Variants in TLL1 observed in about 807,000 individuals in gnomAD.
TLL1 encodes the protein tolloid like 1.
TLL1 carries 49 observed loss-of-function variants against 128.2 expected under a neutral mutation model. The observed-to-expected ratio is 0.38, with a 90% CI of 0.30 to 0.48. The LOEUF is 0.48. Ranked by LOEUF, TLL1 falls within the 20% of genes least tolerant of loss-of-function variation. TLL1 has a pLI of 0.96. For synonymous variants in TLL1, 454 were observed against 418.8 expected (o/e 1.08, Z -1.03); for missense variants, 1,123 against 1,242.0 (o/e 0.90, Z 1.44).
chr4:166,097,725 TC>T (rs1363509441), intron 19 of TLL1, among the ~76,000 whole-genome samples: 1 of 152,090 alleles, frequency 6.6e-6, no homozygotes, highest in Admixed American at 6.6e-5. Flanking sequence ...TGCCTAACCA[TC>T]TTCACTAAGG....
chr4:166,080,617 A>G (rs1741244889), intron 18 of TLL1, among the ~76,000 whole-genome samples: 1 of 152,030 alleles, frequency 6.6e-6, no homozygotes, highest in Non-Finnish European at 1.5e-5. Flanking sequence ...ATAAGACATT[A>G]TGTATGCAAT....
chr4:166,062,584 G>T (rs1169540865), intron 15 of TLL1, among the ~76,000 whole-genome samples: 1 of 152,184 alleles, frequency 6.6e-6, no homozygotes, highest in Non-Finnish European at 1.5e-5. Flanking sequence ...CTGAGACTTT[G>T]CTGAAGTTGG....
chr4:165,882,950 G>A (rs1397104743), intron 1 of TLL1, among the ~76,000 whole-genome samples: 5 of 151,898 alleles, frequency 3.3e-5, no homozygotes, highest in African/African-American at 4.8e-5. Flanking sequence ...AAGAAGATAC[G>A]TGTTCGAGGA....
At chr4:166,078,132 C>T (rs1330788451) in intron 18 of TLL1, 102 bp downstream of exon 18, 4 of 1,548,778 alleles carry the variant, frequency 2.6e-6, no homozygotes, top group South Asian at 1.1e-5. Context: ...TGAATCGAAT[C>T]GTAGGCAGCT....
At chr4:166,079,300 T>A (rs946165424) in intron 18 of TLL1, among the ~76,000 whole-genome samples, 7 of 152,326 alleles carry the variant, frequency 4.6e-5, no homozygotes, top group African/African-American at 1.7e-4. Flanking sequence ...GAGACATTTC[T>A]TTGTCTCAAT....
chr4:165,987,241 T>C (rs989341070), intron 1 of TLL1, among the ~76,000 whole-genome samples: 23 of 152,126 alleles, frequency 1.5e-4, no homozygotes, highest in Non-Finnish European at 3.4e-4. Context: ...TAAATGCACC[T>C]GATGGAAGTT....
chr4:166,031,455 A>C (rs546765540), intron 9 of TLL1, among the ~76,000 whole-genome samples: 3 of 137,398 alleles, frequency 2.2e-5, no homozygotes, highest in Middle Eastern at 9.4e-3. Context: ...TGCAACTTTC[A>C]CTTCTCAGTT....
chr4:165,908,965 G>A (rs1732399719), intron 1 of TLL1, among the ~76,000 whole-genome samples: 1 of 152,198 alleles, frequency 6.6e-6, no homozygotes, highest in African/African-American at 2.4e-5. Context: ...AGGAGGCCGA[G>A]GCAGGCTGAT....
intron 1 of TLL1, among the ~76,000 whole-genome samples, chr4:165,876,428 C>G (rs1384757925): frequency 1.3e-5 from 2 of 152,162 alleles, no homozygotes; most frequent in African/African-American, 4.8e-5. Flanking sequence ...TTTCCAGACA[C>G]TTGGGGCATC....
At chr4:166,031,098 T>A in intron 9 of TLL1, 1 of 783,478 alleles carries the variant, frequency 1.3e-6, no homozygotes, top group Non-Finnish European at 1.5e-6. Flanking sequence ...TGAAGCTGCT[T>A]AAGATGATTT....
rs141070236 is a variant in TLL1 at position 166,070,362 on chromosome 4, G to A, written c.2188+4499G>A. ...AAAAAAATAGCACATTTGGGAACTT[G>A]ACATATTTTAAATTTTTAATTATAG... On this transcript the variant is annotated intron_variant, in intron 16 of 20. Coordinates refer to ENST00000061240, the MANE Select transcript of TLL1 (RefSeq NM_012464.5). 4.6e-3 allele frequency among the ~76,000 whole-genome samples: 702 copies of A among 151,942 alleles called. 5 individuals are homozygous for A. Among genetic ancestry groups the A allele is most frequent in the African/African-American group, 0.016 (667 of 41,532 alleles).
At chr4:166,060,269 G>A (rs1311037064) in intron 15 of TLL1, 81 bp downstream of exon 15, 21 of 1,192,164 alleles carry the variant, frequency 1.8e-5, no homozygotes, top group Non-Finnish European at 2.1e-5. Flanking sequence ...AAAAAAAAAA[G>A]ATGTAGTAAA....
chr4:165,940,955 C>A (rs1365833512), intron 1 of TLL1, among the ~76,000 whole-genome samples: 1 of 151,954 alleles, frequency 6.6e-6, no homozygotes, highest in Admixed American at 6.6e-5. Context: ...TCAACTCTGT[C>A]TCTTAGATTG....
At chr4:166,089,799 G>A (rs1425333682) in intron 18 of TLL1, among the ~76,000 whole-genome samples, 1 of 152,032 alleles carries the variant, frequency 6.6e-6, no homozygotes, top group Non-Finnish European at 1.5e-5. Context: ...TAAGTAGAGT[G>A]CAGTGGAAAG....
intron 19 of TLL1, among the ~76,000 whole-genome samples, chr4:166,098,717 G>T (rs894158937): frequency 2.6e-5 from 4 of 151,980 alleles, no homozygotes; most frequent in African/African-American, 9.7e-5. Flanking sequence ...TATATAGAAA[G>T]TTCTATATAA....
intron 1 of TLL1, among the ~76,000 whole-genome samples, chr4:165,957,760 G>A (rs1002396156): frequency 3.4e-5 from 5 of 147,544 alleles, no homozygotes; most frequent in African/African-American, 7.6e-5. Flanking sequence ...TGTGCACAAT[G>A]TGCCAGTTAG....
chr4:166,001,054 AG>A (rs758527047), intron 5 of TLL1, among the ~76,000 whole-genome samples: 3 of 152,326 alleles, frequency 2.0e-5, no homozygotes, highest in Non-Finnish European at 2.9e-5. Context: ...GAGGGAGATA[AG>A]GATTTATATT....
chr4:165,971,938 T>G (rs1735645725), intron 1 of TLL1, among the ~76,000 whole-genome samples: 1 of 152,128 alleles, frequency 6.6e-6, no homozygotes, highest in Non-Finnish European at 1.5e-5. Context: ...TGTTGTTTAT[T>G]TACAGGGTTA....
At chr4:166,067,406 C>T (rs1029753398) in intron 16 of TLL1, among the ~76,000 whole-genome samples, 17 of 151,806 alleles carry the variant, frequency 1.1e-4, no homozygotes, top group African/African-American at 4.1e-4. Context: ...AGAAACAGTA[C>T]TGTTGAAATA....
Sources: gnomAD v4.1 joint callset for allele counts (sites outside exome capture counted in the v4.1 genomes callset) on GRCh38, gnomAD v4.1.1 for gene constraint, MANE v1.5 for transcripts, NCBI Gene and HGNC (gene_info 2026-07-23, HGNC 2026-07-21) for gene names.